The following CNIH3 variants were observed in gnomAD, a reference collection of about 807,000 sequenced individuals.
The protein encoded by CNIH3 is cornichon family AMPA receptor auxiliary protein 3.
Under a neutral mutation model 24.1 loss-of-function variants are expected in CNIH3, and 14 were observed. The observed-to-expected ratio is 0.58, with a 90% CI of 0.38 to 0.91. The LOEUF is 0.91. CNIH3 is among the 40% of genes least tolerant of loss of function. The probability of loss-of-function intolerance (pLI) is 0.00; values close to 1 mark genes in which losing one functional copy is unlikely to be tolerated. For synonymous variants in CNIH3, 68 were observed against 73.8 expected (o/e 0.92, Z 0.40); for missense variants, 178 against 196.8 (o/e 0.90, Z 0.57).
chr1:224,436,456 A>C (rs951898535), intron 1 of CNIH3, among the ~76,000 whole-genome samples: 19 of 152,242 alleles, frequency 1.2e-4, no homozygotes, highest in African/African-American at 4.1e-4. Context: ...TTTATAAAGG[A>C]AATCAGTCAC....
chr1:224,571,209 C>T lies in CNIH3; in HGVS notation n.516+4945C>T, dbSNP rs553509837. ...TTGGGTTAACCCATCAAATTTCCCC[C>T]AAACCCCTTGTTGTGTTTTCTTCTC... is the stretch of plus-strand genomic sequence containing the variant. On this transcript the variant is annotated intron_variant and non_coding_transcript_variant, in intron 4 of 5. Coordinates refer to the CNIH3 transcript ENST00000471578. Among the ~76,000 whole-genome samples, 43 of 152,302 alleles carry T rather than the reference C, an allele frequency of 2.8e-4. 1 individual carries two copies. In the South Asian group the frequency reaches 7.7e-3, roughly 27 times the overall value.
intron 3 of CNIH3, among the ~76,000 whole-genome samples, chr1:224,553,050 G>A (rs1305224665): frequency 1.3e-5 from 2 of 149,318 alleles, no homozygotes; most frequent in African/African-American, 4.9e-5. Flanking sequence ...TAATATCATA[G>A]GGTGTATACA....
chr1:224,466,413 A>G (rs1196825566), intron 1 of CNIH3, among the ~76,000 whole-genome samples: 1 of 151,922 alleles, frequency 6.6e-6, no homozygotes, highest in Non-Finnish European at 1.5e-5. Context: ...AGAACCAGCC[A>G]AGGCCTAATT....
chr1:224,715,377 C>A (rs1688374128), intron 3 of CNIH3, among the ~76,000 whole-genome samples: 1 of 152,132 alleles, frequency 6.6e-6, no homozygotes, highest in Non-Finnish European at 1.5e-5. Flanking sequence ...TGTCCCCCAT[C>A]TTATCTCACT....
chr1:224,735,624 C>T (rs1227998356), intron 5 of CNIH3, among the ~76,000 whole-genome samples: 1 of 150,786 alleles, frequency 6.6e-6, no homozygotes, highest in East Asian at 2.0e-4. Context: ...CAGAATGTGG[C>T]TGCATTTGTC....
At chr1:224,576,084 G>T (rs1323065226) in intron 4 of CNIH3, among the ~76,000 whole-genome samples, 1 of 152,144 alleles carries the variant, frequency 6.6e-6, no homozygotes. Context: ...TAAACCTTAT[G>T]GGAGAGGAAA....
rs192690899 is a variant in CNIH3, at chr1:224,530,703, G to A, written n.344-6233G>A. ...CAACCTCTGCCTCCTGGGTTCAAGCGGTTCTCCTGCCTCAGCCTCCCAAGT... is the reference window on the plus strand; with the variant it reads ...CAACCTCTGCCTCCTGGGTTCAAGCAGTTCTCCTGCCTCAGCCTCCCAAGT... On this transcript the variant is annotated intron_variant and non_coding_transcript_variant, in intron 2 of 2. Coordinates refer to the CNIH3 transcript ENST00000470602. Among the ~76,000 whole-genome samples, 256 of 151,954 alleles carry A rather than the reference G, an allele frequency of 1.7e-3. 1 individual carries two copies. Among genetic ancestry groups the A allele is most frequent in the African/African-American group, 5.6e-3 (231 of 41,436 alleles).
rs544063872 is a variant in CNIH3, at chr1:224,543,181, A to G, written n.340-3648A>G. On this transcript the variant is annotated intron_variant and non_coding_transcript_variant, in intron 2 of 5. Transcript: ENST00000471578. ...AACATGCCTGGGTAACGAAATTCTA[A>G]TAGAAACTCAACACAGAAGTTTAGT... is the stretch of plus-strand genomic sequence containing the variant. Among the ~76,000 whole-genome samples the G allele has an allele frequency of 4.1e-4, 63 of 152,306 alleles. No individual in the cohort carries two copies. The South Asian group carries it at 0.013, about 31-fold the overall frequency.
chr1:224,697,676 G>A (rs1327121786), intron 3 of CNIH3, among the ~76,000 whole-genome samples: 3 of 152,160 alleles, frequency 2.0e-5, no homozygotes, highest in Non-Finnish European at 4.4e-5. Context: ...TAAAGATTCT[G>A]TTTTTCAACC....
chr1:224,550,669 G>A (rs577821306), intron 3 of CNIH3, among the ~76,000 whole-genome samples: 10 of 152,172 alleles, frequency 6.6e-5, no homozygotes, highest in African/African-American at 2.4e-4. Flanking sequence ...TGTAAACACT[G>A]GATATAATAG....
chr1:224,560,591 C>G (rs773033371), intron 3 of CNIH3, among the ~76,000 whole-genome samples: 2 of 151,890 alleles, frequency 1.3e-5, no homozygotes, highest in Non-Finnish European at 2.9e-5. Context: ...GGAGCGTGAA[C>G]CCTATTGTGA....
At chr1:224,729,739 T>C (rs1196407263) in intron 3 of CNIH3, among the ~76,000 whole-genome samples, 3 of 152,104 alleles carry the variant, frequency 2.0e-5, no homozygotes, top group African/African-American at 4.8e-5. Context: ...GATTTTAAGC[T>C]CCTTTTACCC....
intron 3 of CNIH3, among the ~76,000 whole-genome samples, chr1:224,549,457 A>C (rs562673954): frequency 1.3e-5 from 2 of 152,248 alleles, no homozygotes; most frequent in South Asian, 2.1e-4. Context: ...CCTTAATATC[A>C]CAGTGTGTAC....
chr1:224,645,031 G>A (rs1015867653), intron 1 of CNIH3, among the ~76,000 whole-genome samples: 1 of 152,246 alleles, frequency 6.6e-6, no homozygotes, highest in African/African-American at 2.4e-5. Flanking sequence ...AATAGAGGCT[G>A]CCTCACCACT....
intron 1 of CNIH3, among the ~76,000 whole-genome samples, chr1:224,680,729 T>TA (rs1395530613): frequency 6.6e-6 from 1 of 152,172 alleles, no homozygotes; most frequent in African/African-American, 2.4e-5. Context: ...CACAGATACT[T>TA]AAAAAAACTT....
intron 1 of CNIH3, among the ~76,000 whole-genome samples, chr1:224,446,916 TGTCG>T (rs1370976976): frequency 6.6e-6 from 1 of 152,016 alleles, no homozygotes; most frequent in African/African-American, 2.4e-5. Flanking sequence ...GGGTAGATGG[TGTCG>T]GTCACTCACT....
intron 1 of CNIH3, among the ~76,000 whole-genome samples, chr1:224,624,051 C>T (rs566964116): frequency 1.3e-4 from 20 of 152,352 alleles, no homozygotes; most frequent in Admixed American, 1.1e-3. Context: ...CCTCTGCATC[C>T]ACCACTCAGA....
chr1:224,535,045 C>A (rs1461990219), intron 2 of CNIH3, among the ~76,000 whole-genome samples: 1 of 152,008 alleles, frequency 6.6e-6, no homozygotes, highest in Non-Finnish European at 1.5e-5. Context: ...GTGTCTGCCC[C>A]CAAAAAAGAT....
At chr1:224,496,477 C>A (rs79635058) in intron 1 of CNIH3, among the ~76,000 whole-genome samples, 1 of 151,522 alleles carries the variant, frequency 6.6e-6, no homozygotes, top group East Asian at 1.9e-4. Context: ...AAACTGAAGC[C>A]TCCTGATTTT....
Sources: gnomAD v4.1 joint callset for allele counts (sites outside exome capture counted in the v4.1 genomes callset) on GRCh38, gnomAD v4.1.1 for gene constraint, MANE v1.5 for transcripts, NCBI Gene and HGNC (gene_info 2026-07-23, HGNC 2026-07-21) for gene names.